The following TMEM135 variants were observed in gnomAD, a reference collection of about 807,000 sequenced individuals.
TMEM135 encodes transmembrane protein 135, also known as peroxisomal membrane protein 52.
TMEM135 carries 30 observed loss-of-function variants against 60.3 expected under a neutral mutation model. That is an observed-to-expected ratio of 0.50 (90% CI 0.37 to 0.68). TMEM135 has a LOEUF of 0.68. TMEM135 is among the 30% of genes least tolerant of loss of function. The probability of loss-of-function intolerance (pLI) is 0.00; values close to 1 mark genes in which losing one functional copy is unlikely to be tolerated. For synonymous variants in TMEM135, 190 were observed against 186.7 expected (o/e 1.02, Z -0.14); for missense variants, 468 against 548.8 (o/e 0.85, Z 1.47).
At chr11:87,256,820 G>T (rs1225738330) in intron 6 of TMEM135, among the ~76,000 whole-genome samples, 1 of 152,042 alleles carries the variant, frequency 6.6e-6, no homozygotes, top group African/African-American at 2.4e-5. Flanking sequence ...CTATCTGTCT[G>T]TTGGTCCTGC....
At chr11:87,157,456 G>T in intron 5 of TMEM135, 50 bp downstream of exon 5, 1 of 1,467,004 alleles carries the variant, frequency 6.8e-7, no homozygotes, top group Admixed American at 1.7e-5. Context: ...TATAGTTTGC[G>T]ATTTTAAAAT....
intron 4 of TMEM135, among the ~76,000 whole-genome samples, chr11:87,106,756 C>A (rs1857606398): frequency 6.6e-6 from 1 of 152,152 alleles, no homozygotes; most frequent in Non-Finnish European, 1.5e-5. Context: ...GCCATTATTG[C>A]ATTGCTATAA....
intron 1 of TMEM135, among the ~76,000 whole-genome samples, chr11:87,055,788 C>A (rs1287502135): frequency 2.0e-5 from 3 of 152,042 alleles, no homozygotes; most frequent in African/African-American, 7.2e-5. Flanking sequence ...TGGGGTTTCA[C>A]CATGTTGGTC....
intron 5 of TMEM135, among the ~76,000 whole-genome samples, chr11:87,234,981 G>A (rs1395404973): frequency 6.6e-6 from 1 of 151,882 alleles, no homozygotes; most frequent in Non-Finnish European, 1.5e-5. Context: ...GATCTGCAAG[G>A]GGGACACTGA....
chr11:87,306,138 T>C, intron 9 of TMEM135, 133 bp downstream of exon 9: 1 of 492,352 alleles, frequency 2.0e-6, no homozygotes, highest in Non-Finnish European at 3.3e-6. Flanking sequence ...GAATTTGACT[T>C]CAAGAGTGAG....
intron 6 of TMEM135, among the ~76,000 whole-genome samples, chr11:87,258,528 T>A (rs1241298875): frequency 6.6e-6 from 1 of 152,208 alleles, no homozygotes; most frequent in African/African-American, 2.4e-5. Flanking sequence ...CTCCCACTGG[T>A]GTCAGTTCCT....
intron 3 of TMEM135, among the ~76,000 whole-genome samples, chr11:87,075,965 C>T (rs1261293721): frequency 2.0e-5 from 3 of 152,176 alleles, no homozygotes; most frequent in Non-Finnish European, 4.4e-5. Flanking sequence ...TGGCTACCAT[C>T]CCTGGGACTG....
intron 5 of TMEM135, among the ~76,000 whole-genome samples, chr11:87,220,272 CAG>C (rs1202893191): frequency 2.6e-5 from 4 of 152,140 alleles, no homozygotes; most frequent in Non-Finnish European, 5.9e-5. Context: ...TTATTAAAGA[CAG>C]AATTTCCATG....
intron 1 of TMEM135, among the ~76,000 whole-genome samples, chr11:87,048,909 CAG>C: frequency 2.3e-4 from 1 of 4,312 alleles, no homozygotes; most frequent in Non-Finnish European, 3.1e-4. Flanking sequence ...TAAGGGCAGC[CAG>C]AGAGAAAGGT....
At position 87,318,204 on chromosome 11, in the gene TMEM135, A is replaced by G; in HGVS notation, c.1145A>G (p.Tyr382Cys). ...PYFPHADTII[Y>C]SISTAICFQA... ...TTTCCTCATGCAGATACTATCATCT[A>G]TTCCATCTCTACAGCAATTTGCTTC... is the stretch of plus-strand genomic sequence containing the variant. The change falls in exon 13 of 15, where the codon TAT becomes TGT. Residue 382 changes from tyrosine to cysteine, a missense_variant. Transcript: ENST00000305494. 1 of 1,612,636 alleles carries G rather than the reference A, an allele frequency of 6.2e-7. No homozygotes were observed. Among genetic ancestry groups the G allele is most frequent in the South Asian group, 1.1e-5 (1 of 91,072 alleles).
At chr11:87,283,715 G>T (rs1198341635) in intron 6 of TMEM135, among the ~76,000 whole-genome samples, 1 of 151,910 alleles carries the variant, frequency 6.6e-6, no homozygotes, top group Non-Finnish European at 1.5e-5. Context: ...AAAATTAGCT[G>T]GGCGTGGTGG....
chr11:87,207,461 C>T (rs574012140), intron 5 of TMEM135, among the ~76,000 whole-genome samples: 189 of 151,162 alleles, frequency 1.3e-3, no homozygotes, highest in African/African-American at 4.4e-3. Flanking sequence ...TCAAGGGCTG[C>T]GTATTTCCAG....
At chr11:87,209,513 T>C (rs1940312801) in intron 5 of TMEM135, among the ~76,000 whole-genome samples, 1 of 152,164 alleles carries the variant, frequency 6.6e-6, no homozygotes. Context: ...CTTAAATATA[T>C]ATGCACTCAA....
chr11:87,287,692 T>A (rs1942192703), intron 6 of TMEM135, among the ~76,000 whole-genome samples: 2 of 151,972 alleles, frequency 1.3e-5, no homozygotes, highest in African/African-American at 4.8e-5. Context: ...TAATAAATAA[T>A]AAATAAATGT....
chr11:87,188,704 C>A (rs371083587), intron 5 of TMEM135, among the ~76,000 whole-genome samples: 205 of 146,274 alleles, frequency 1.4e-3, no homozygotes, highest in African/African-American at 1.5e-3. Context: ...AACTCAGTCT[C>A]AAAAAAAAAA....
chr11:87,220,002 G>T (rs1461744106), intron 5 of TMEM135, among the ~76,000 whole-genome samples: 1 of 152,118 alleles, frequency 6.6e-6, no homozygotes, highest in Admixed American at 6.5e-5. Flanking sequence ...TAAATGTCTA[G>T]GTTCTCATGA....
intron 7 of TMEM135, among the ~76,000 whole-genome samples, chr11:87,300,154 C>T (rs1176371845): frequency 6.6e-6 from 1 of 152,116 alleles, no homozygotes; most frequent in Non-Finnish European, 1.5e-5. Context: ...CTGATTTAAG[C>T]TTGAAAAGTT....
chr11:87,245,716 C>A (rs1300859300), intron 6 of TMEM135, among the ~76,000 whole-genome samples: 2 of 126,034 alleles, frequency 1.6e-5, no homozygotes, highest in Non-Finnish European at 3.4e-5. Context: ...AGATCTTCCT[C>A]CATCCTTTTA....
chr11:87,131,132 C>T (rs1428850954), intron 4 of TMEM135, among the ~76,000 whole-genome samples: 3 of 151,974 alleles, frequency 2.0e-5, no homozygotes, highest in Non-Finnish European at 4.4e-5. Context: ...TCTCATATTA[C>T]TCTGTTTCCC....
Sources: allele counts gnomAD v4.1 joint callset (sites outside exome capture counted in the v4.1 genomes callset), GRCh38; gene constraint gnomAD v4.1.1; transcripts MANE v1.5; gene names NCBI Gene and HGNC (gene_info 2026-07-23, HGNC 2026-07-21).